Variants in MYO5C observed in about 807,000 individuals in gnomAD.
MYO5C encodes the protein unconventional myosin-Vc.
MYO5C carries 194 observed loss-of-function variants against 235.7 expected under a neutral mutation model. The ratio of observed to expected loss-of-function variants is 0.82; its 90% CI spans 0.73 to 0.93. The LOEUF is 0.93. Among genes scored for constraint, MYO5C ranks in the 40% least tolerant of loss-of-function variants. The pLI is 0.00. For synonymous variants in MYO5C, 707 were observed against 754.8 expected, an observed-to-expected ratio of 0.94 and a Z score of 1.04; for missense variants, 2,038 against 2,127.2, an observed-to-expected ratio of 0.96 and a Z score of 0.82.
chr15:52,261,501 C>T (rs1448288593), intron 9 of MYO5C, among the ~76,000 whole-genome samples: 2 of 152,230 alleles, frequency 1.3e-5, no homozygotes, highest in Non-Finnish European at 2.9e-5. Flanking sequence ...TCCCTTTGAA[C>T]CATCCTGGGC....
In MYO5C at chr15:52,196,415, G is replaced by A; in HGVS notation, c.4889C>T (p.Thr1630Ile). The change falls in exon 39 of 41, where the codon ACT becomes ATT. Residue 1630 changes from threonine to isoleucine, a missense_variant. Transcript: ENST00000261839. ...GGCTGCCTGAGAGAGGGGCTCCAAA[G>A]TTTCCTTTGCTAAGCTGTTCTGCAA... ...KNLQNSLAKE[T>I]LEPLSQAAWL... 1 of 1,614,180 alleles carries A rather than the reference G, an allele frequency of 6.2e-7. No individual in the cohort carries two copies. Among genetic ancestry groups the A allele is most frequent in the Non-Finnish European group, 8.5e-7 (1 of 1,180,032 alleles).
At chr15:52,290,292 T>C (rs780885317) in intron 1 of MYO5C, among the ~76,000 whole-genome samples, 1 of 152,188 alleles carries the variant, frequency 6.6e-6, no homozygotes, top group African/African-American at 2.4e-5. Flanking sequence ...TCATCCCTTT[T>C]TTTCTCTTTG....
Position 52,274,608 on chromosome 15 carries a change from G to A in MYO5C, c.606+954C>T, listed in dbSNP as rs560818469. On this transcript the variant is annotated intron_variant, in intron 5 of 40. Coordinates refer to ENST00000261839, the MANE Select transcript of MYO5C (RefSeq NM_018728.4). ...AACTTTTCTATTGGTATCTTGGATT[G>A]TAATTTATGTTTCTAAGTAAGCCTA... 5.9e-5 allele frequency among the ~76,000 whole-genome samples: 9 copies of A among 151,618 alleles called. No homozygotes were observed. The East Asian group carries it at 1.8e-3, about 30-fold the overall frequency.
intron 8 of MYO5C, among the ~76,000 whole-genome samples, chr15:52,266,916 C>G (rs2036825251): frequency 6.6e-6 from 1 of 152,200 alleles, no homozygotes; most frequent in African/African-American, 2.4e-5. Context: ...CACAGCACAG[C>G]AGGCAGCCAT....
intron 30 of MYO5C, 126 bp from the exon 31 acceptor site, chr15:52,219,948 G>A: frequency 3.1e-6 from 2 of 649,556 alleles, no homozygotes; most frequent in East Asian, 5.6e-5. Context: ...GGCTTCTCTG[G>A]CCCATATTGG....
chr15:52,245,865 G>T, intron 17 of MYO5C, 91 bp downstream of exon 17: 1 of 1,216,012 alleles, frequency 8.2e-7, no homozygotes, highest in Non-Finnish European at 1.2e-6. Flanking sequence ...CCAAAAGTAT[G>T]TGACAAAAAT....
In MYO5C at chr15:52,235,667, T is replaced by C. The variant is rs2036064861; in HGVS notation, c.2962+3A>G. 6.2e-7 allele frequency: 1 copy of C among 1,605,098 alleles called. No homozygotes were observed. The highest frequency in any genetic ancestry group is 1.3e-5 in the African/African-American group (1 of 74,696). ...GTCTGGATTTGTGCCCCCCAAGCTT[T>C]ACCTTTTAACTCTTCAGTCTTCTCT... On this transcript the variant is annotated splice_donor_region_variant and intron_variant, in intron 23 of 40. Coordinates refer to ENST00000261839, the MANE Select transcript of MYO5C (RefSeq NM_018728.4).
intron 23 of MYO5C, among the ~76,000 whole-genome samples, chr15:52,234,298 G>A (rs2036030305): frequency 6.6e-6 from 1 of 152,200 alleles, no homozygotes; most frequent in African/African-American, 2.4e-5. Context: ...ACAAAACACT[G>A]TTTGCCATGT....
Position 52,237,710 on chromosome 15 carries a change from T to G in MYO5C, c.2704-64A>C, listed in dbSNP as rs957010777. 91 of 1,508,854 alleles carry G rather than the reference T, an allele frequency of 6.0e-5. 1 individual carries two copies. The Admixed American group carries it at 8.6e-4, about 14-fold the overall frequency. The allele number at this position is 1,508,854 out of a possible 1,614,324, so 93.5% of individuals were successfully genotyped here. On this transcript the variant is annotated intron_variant, in intron 21 of 40. Transcript: ENST00000261839. ...AAACAAAGATGCTGTTCCATTTAAT[T>G]CTCATAGCCTTTGACACAGCATCCA...
At chr15:52,209,838 T>G (rs951752897) in intron 35 of MYO5C, among the ~76,000 whole-genome samples, 26 of 152,348 alleles carry the variant, frequency 1.7e-4, no homozygotes, top group African/African-American at 6.3e-4. Flanking sequence ...GTGAATTTTC[T>G]ATTCCTAACT....
intron 26 of MYO5C, 105 bp from the exon 27 acceptor site, chr15:52,225,243 A>G: frequency 7.8e-7 from 1 of 1,274,572 alleles, no homozygotes; most frequent in Non-Finnish European, 1.1e-6. Flanking sequence ...CTCCAGCTAA[A>G]TAACTCACCA....
chr15:52,236,100 T>C (rs1005083348), intron 22 of MYO5C, among the ~76,000 whole-genome samples: 6 of 152,238 alleles, frequency 3.9e-5, no homozygotes, highest in African/African-American at 1.2e-4. Flanking sequence ...ATGTCGAATA[T>C]GCTATGATTA....
chr15:52,242,071 G>A lies in MYO5C; in HGVS notation c.2533C>T (p.Leu845=), dbSNP rs774686743. The A allele has an allele frequency of 3.7e-6, 6 of 1,613,012 alleles. No individual in the cohort carries two copies. The South Asian group carries it at 6.6e-5, about 18-fold the overall frequency. ...ACCTTTCGATACCTCCTCCTTGCCA[G>A]GAATCCTCGGCTGTAGGCCTGCATT... The part of the protein sequence containing the change: ...ITMQAYSRGF[L]ARRRYRKMLE... The change falls in exon 20 of 41, where the codon CTG becomes TTG. Residue 845 remains leucine (L), a synonymous_variant. Transcript: ENST00000261839.
chr15:52,210,470 T>A (rs1450284642), intron 35 of MYO5C, among the ~76,000 whole-genome samples: 3 of 152,226 alleles, frequency 2.0e-5, no homozygotes, highest in African/African-American at 7.2e-5. Flanking sequence ...ATCAGTACAT[T>A]GTAATTCCCA....
intron 37 of MYO5C, 143 bp from the exon 38 acceptor site, chr15:52,205,290 C>T (rs2035284849): frequency 1.0e-6 from 1 of 976,100 alleles, no homozygotes; most frequent in African/African-American, 1.6e-5. Context: ...GCAAAAGAAT[C>T]AAGGGTTTGG....
At chr15:52,293,629 C>A (rs899892390) in intron 1 of MYO5C, among the ~76,000 whole-genome samples, 1 of 152,170 alleles carries the variant, frequency 6.6e-6, no homozygotes, top group Non-Finnish European at 1.5e-5. Flanking sequence ...TGGCTGGTCC[C>A]TTCAACCCCC....
At chr15:52,239,968 G>A (rs1458811656) in intron 20 of MYO5C, 89 bp from the exon 21 acceptor site, 2 of 1,375,974 alleles carry the variant, frequency 1.5e-6, no homozygotes, top group African/African-American at 1.5e-5. Context: ...AACTACCACG[G>A]TGTAGAAAAT....
At chr15:52,256,816 G>T in intron 10 of MYO5C, 96 bp from the exon 11 acceptor site, 1 of 912,270 alleles carries the variant, frequency 1.1e-6, no homozygotes, top group Non-Finnish European at 1.7e-6. Context: ...TTAAACGTTT[G>T]CTATGTCTTC....
chr15:52,202,368 C>A (rs1465055575), intron 38 of MYO5C, among the ~76,000 whole-genome samples: 6 of 152,004 alleles, frequency 3.9e-5, no homozygotes, highest in Non-Finnish European at 8.8e-5. Context: ...CAGAGTGAGA[C>A]CCCCATCTCA....
Sources: gnomAD v4.1 joint callset for allele counts (sites outside exome capture counted in the v4.1 genomes callset) on GRCh38, gnomAD v4.1.1 for gene constraint, MANE v1.5 for transcripts, NCBI Gene and HGNC (gene_info 2026-07-23, HGNC 2026-07-21) for gene names.